The following AGAP1 variants were observed in gnomAD, a reference collection of about 807,000 sequenced individuals.
The protein encoded by AGAP1 is ArfGAP with GTPase domain, ankyrin repeat and PH domain 1, also known as arf-GAP with GTPase, ANK repeat and PH domain-containing protein 1.
In AGAP1, 29 loss-of-function variants were observed where a neutral mutation model predicts 105.3. The ratio of observed to expected loss-of-function variants is 0.28; its 90% CI spans 0.21 to 0.38. The LOEUF is 0.38. Among genes scored for constraint, AGAP1 ranks in the 10% least tolerant of loss-of-function variants. AGAP1 has a pLI of 1.00. For synonymous variants in AGAP1, 509 were observed against 485.9 expected (o/e 1.05, Z -0.63); for missense variants, 998 against 1,165.1 (o/e 0.86, Z 2.09).
intron 8 of AGAP1, among the ~76,000 whole-genome samples, chr2:235,805,161 T>C (rs2150082227): frequency 6.6e-6 from 1 of 152,364 alleles, no homozygotes; most frequent in Middle Eastern, 3.4e-3. Flanking sequence ...TTTAGTTTTT[T>C]GACTGTCTCC....
chr2:235,798,840 C>T (rs1957360460), intron 7 of AGAP1, among the ~76,000 whole-genome samples: 2 of 140,514 alleles, frequency 1.4e-5, no homozygotes, highest in South Asian at 2.3e-4. Context: ...CACTGCATTC[C>T]AGCCTGGGTG....
rs1056418070 is a variant in AGAP1 at position 236,038,675 on chromosome 2, G to A, written c.1800+1960G>A. 6.6e-6 allele frequency among the ~76,000 whole-genome samples: 1 copy of A among 152,136 alleles called. No individual in the cohort carries two copies. Among genetic ancestry groups the A allele is most frequent in the Admixed American group, 6.6e-5 (1 of 15,264 alleles). ...AGCGGGAGGCAAAAATACAGGCCCA[G>A]TTGACCACCAGCTTTATAGTATTTT... is the stretch of plus-strand genomic sequence containing the variant. On this transcript the variant is annotated intron_variant, in intron 14 of 17. Transcript: ENST00000304032. This position sits in a 1 kb window ranked among gnomAD's most constrained non-coding sequence, Gnocchi z 4.5.
chr2:235,760,506 G>GT (rs1226607113), intron 6 of AGAP1, among the ~76,000 whole-genome samples: 4 of 152,236 alleles, frequency 2.6e-5, no homozygotes, highest in Non-Finnish European at 5.9e-5. Flanking sequence ...TCATCCAAGT[G>GT]TTTTTGAATA....
chr2:235,749,770 C>G (rs979134321), intron 5 of AGAP1, among the ~76,000 whole-genome samples: 5 of 152,228 alleles, frequency 3.3e-5, no homozygotes, highest in African/African-American at 1.2e-4. Context: ...ATCTTACATT[C>G]AGAACCATTC....
At chr2:236,057,157 A>G (rs1001395090) in intron 16 of AGAP1, among the ~76,000 whole-genome samples, 2 of 152,144 alleles carry the variant, frequency 1.3e-5, no homozygotes, top group African/African-American at 2.4e-5. Flanking sequence ...CGCCCAGGCT[A>G]GAGTGCAGTG....
rs1485703078 is a variant in AGAP1, at chr2:235,695,989, T to C, written c.164-13190T>C. On this transcript the variant is annotated intron_variant, in intron 1 of 17. Coordinates refer to ENST00000304032, the MANE Select transcript of AGAP1 (RefSeq NM_001037131.3). ...GGGCCGAGGAGACACTTGCATGGGG[T>C]TGTCGACAGAGGGGCACCAGGATGG... Among the ~76,000 whole-genome samples, 4 of 152,056 alleles carry C rather than the reference T, an allele frequency of 2.6e-5. No homozygotes were observed. In the East Asian group the frequency reaches 7.8e-4, roughly 30 times the overall value.
intron 11 of AGAP1, among the ~76,000 whole-genome samples, chr2:235,924,717 T>C (rs1171591067): frequency 6.6e-6 from 1 of 152,102 alleles, no homozygotes; most frequent in Admixed American, 6.5e-5. Flanking sequence ...ACACAGTAAC[T>C]CATGTTGTAA....
chr2:236,071,809 G>A (rs1393465803), intron 16 of AGAP1, among the ~76,000 whole-genome samples: 2 of 152,206 alleles, frequency 1.3e-5, no homozygotes, highest in African/African-American at 4.8e-5. Context: ...CCCCTGTTCA[G>A]GGTCTTCTGG....
At chr2:236,054,353 G>A (rs1343147690) in intron 16 of AGAP1, among the ~76,000 whole-genome samples, 2 of 151,970 alleles carry the variant, frequency 1.3e-5, no homozygotes, top group East Asian at 1.9e-4. Context: ...CAGGGAACAC[G>A]ACTGCCCACA....
In AGAP1 at chr2:235,615,640, G is replaced by T. The variant is rs79692277; in HGVS notation, c.164-93539G>T. On this transcript the variant is annotated intron_variant, in intron 1 of 17. Coordinates refer to ENST00000304032, the MANE Select transcript of AGAP1 (RefSeq NM_001037131.3). This position sits in a 1 kb window ranked among gnomAD's most constrained non-coding sequence, Gnocchi z 5.0. Reference sequence around the variant, plus strand: ...TCCCCTGACTTCACAGGATAGCTATGCATTTTGCCTCTTGGGGAGCTGGGT... The same window carrying T: ...TCCCCTGACTTCACAGGATAGCTATTCATTTTGCCTCTTGGGGAGCTGGGT... Among the ~76,000 whole-genome samples the T allele has an allele frequency of 0.031, 4,698 of 152,220 alleles. 244 individuals are homozygous for T. The highest frequency in any genetic ancestry group is 0.11 in the African/African-American group (4,435 of 41,520).
rs914728453 is a variant in AGAP1 at position 235,753,725 on chromosome 2, A to G, written c.673+3237A>G. On this transcript the variant is annotated intron_variant, in intron 6 of 17. Transcript: ENST00000304032. The surrounding 1 kb of genome is among the most constrained non-coding windows in gnomAD (Gnocchi z 4.5). ...TGTCTCAAAAAAAAAAAAAAGTAGGATTTTATGGAATTTGAAAAGCAAATA... is the reference window on the plus strand; with the variant it reads ...TGTCTCAAAAAAAAAAAAAAGTAGGGTTTTATGGAATTTGAAAAGCAAATA... 2.6e-5 allele frequency among the ~76,000 whole-genome samples: 4 copies of G among 151,666 alleles called. No homozygotes were observed. Among genetic ancestry groups the G allele is most frequent in the Non-Finnish European group, 4.4e-5 (3 of 67,874 alleles).
chr2:235,546,868 G>T (rs1231222449), intron 1 of AGAP1, among the ~76,000 whole-genome samples: 2 of 152,168 alleles, frequency 1.3e-5, no homozygotes, highest in African/African-American at 4.8e-5. Flanking sequence ...ATGCTGCTGT[G>T]CATCTTGAAG....
rs781707508 is a variant in AGAP1, at chr2:235,988,200, G to A, written c.1645+19577G>A. Among the ~76,000 whole-genome samples the A allele has an allele frequency of 4.6e-5, 7 of 152,066 alleles. No homozygotes were observed. Among genetic ancestry groups the A allele is most frequent in the South Asian group, 2.1e-4 (1 of 4,816 alleles). On this transcript the variant is annotated intron_variant, in intron 13 of 17. Coordinates refer to ENST00000304032, the MANE Select transcript of AGAP1 (RefSeq NM_001037131.3). This position sits in a 1 kb window ranked among gnomAD's most constrained non-coding sequence, Gnocchi z 4.7. ...TGGGGTTAAAGGTGCCCACCACCAC[G>A]CCCAGCTAATTTTTGTGTTTTTAGT...
chr2:235,902,774 AACCATC>A (rs1188400823), intron 10 of AGAP1, among the ~76,000 whole-genome samples: 1 of 152,220 alleles, frequency 6.6e-6, no homozygotes, highest in Non-Finnish European at 1.5e-5. Flanking sequence ...TCTGCAAGAC[AACCATC>A]ACCCTCCGGT....
intron 1 of AGAP1, among the ~76,000 whole-genome samples, chr2:235,573,071 C>CTTCTTTCTTTCTTCT (rs1333092700): frequency 5.6e-5 from 7 of 123,920 alleles, no homozygotes; most frequent in South Asian, 2.8e-4. Flanking sequence ...TTTCTTCTTT[C>CTTCTTTCTTTCTTCT]TTCTTTCTTC....
intron 1 of AGAP1, among the ~76,000 whole-genome samples, chr2:235,627,548 A>T (rs932499757): frequency 2.0e-5 from 3 of 152,094 alleles, no homozygotes; most frequent in Non-Finnish European, 4.4e-5. Context: ...TATGTTGGGC[A>T]TGCTGATCCC....
At chr2:235,697,065 C>T (rs575007587) in intron 1 of AGAP1, among the ~76,000 whole-genome samples, 7 of 152,224 alleles carry the variant, frequency 4.6e-5, no homozygotes, top group Non-Finnish European at 8.8e-5. Context: ...GAACCTTCCC[C>T]TTAGGTCAGT....
At chr2:235,972,259 G>C (rs1023303887) in intron 13 of AGAP1, among the ~76,000 whole-genome samples, 1 of 152,292 alleles carries the variant, frequency 6.6e-6, no homozygotes, top group East Asian at 1.9e-4. Flanking sequence ...GAATTTTATG[G>C]TTTTTAATAT....
rs1293947405 is a variant in AGAP1, at chr2:235,900,767, C to T, written c.1156-7971C>T. Among the ~76,000 whole-genome samples the T allele has an allele frequency of 3.3e-5, 5 of 152,168 alleles. No homozygotes were observed. The highest frequency in any genetic ancestry group is 4.8e-5 in the African/African-American group (2 of 41,444). On this transcript the variant is annotated intron_variant, in intron 10 of 17. Transcript: ENST00000304032. This position sits in a 1 kb window ranked among gnomAD's most constrained non-coding sequence, Gnocchi z 5.5. ...AATTCCATAAGCATGAGCTGTTTGC[C>T]TCTGTGCATGCTACACATCTGATTG... is the stretch of plus-strand genomic sequence containing the variant.
Sources: allele counts gnomAD v4.1 joint callset (sites outside exome capture counted in the v4.1 genomes callset), GRCh38; gene constraint gnomAD v4.1.1; non-coding constraint Gnocchi (gnomAD v3.1); transcripts MANE v1.5; gene names NCBI Gene and HGNC (gene_info 2026-07-23, HGNC 2026-07-21).